The following TP63 variants were observed in gnomAD, a reference collection of about 807,000 sequenced individuals.
TP63 encodes the protein tumor protein 63.
Under a neutral mutation model 82.8 loss-of-function variants are expected in TP63, and 17 were observed. That is an observed-to-expected ratio of 0.21 (90% CI 0.14 to 0.31). The LOEUF (loss-of-function observed/expected upper bound fraction) is 0.31, where lower values mean the gene tolerates loss of function less well. Ranked by LOEUF, TP63 falls within the 10% of genes least tolerant of loss-of-function variation. The probability of loss-of-function intolerance (pLI) is 1.00; values close to 1 mark genes in which losing one functional copy is unlikely to be tolerated. For missense variants in TP63, 648 were observed against 895.3 expected (o/e 0.72, Z 3.52); for synonymous variants, 330 against 321.7 (o/e 1.03, Z -0.28).
At chr3:189,603,700 AT>A in the TP63 span, among the ~76,000 whole-genome samples, 6 of 130,998 alleles carry the variant, frequency 4.6e-5, no homozygotes, top group South Asian at 2.7e-4. Flanking sequence ...GGAGTTACAG[AT>A]TTTTTTTCCT....
intron 4 of TP63, among the ~76,000 whole-genome samples, chr3:189,834,601 G>A (rs1269022510): frequency 6.6e-6 from 1 of 152,112 alleles, no homozygotes; most frequent in African/African-American, 2.4e-5. Context: ...ATTGCGCTGT[G>A]GCTGTTCACA....
chr3:189,728,994 T>C (rs1386818383), intron 1 of TP63, among the ~76,000 whole-genome samples: 1 of 152,142 alleles, frequency 6.6e-6, no homozygotes, highest in Non-Finnish European at 1.5e-5. Flanking sequence ...CAAAGGTGAT[T>C]AGATTTTTGT....
intron 3 of TP63, among the ~76,000 whole-genome samples, chr3:189,790,386 C>A (rs186075893): frequency 6.6e-6 from 1 of 151,964 alleles, no homozygotes; most frequent in East Asian, 1.9e-4. Flanking sequence ...ACGTTTCTGT[C>A]GTCTGGAGGG....
chr3:189,779,576 T>C (rs71310836), intron 3 of TP63, among the ~76,000 whole-genome samples: 11,128 of 152,256 alleles, frequency 0.073, 550 homozygotes, highest in South Asian at 0.13. Flanking sequence ...TGCTCTGATA[T>C]GGAATTCCTG....
intron 3 of TP63, among the ~76,000 whole-genome samples, chr3:189,790,413 G>A (rs1248842736): frequency 6.6e-6 from 1 of 151,984 alleles, no homozygotes; most frequent in East Asian, 1.9e-4. Flanking sequence ...GTACTTTCAC[G>A]TGTGATGACA....
At chr3:189,792,226 C>G (rs770422962) in intron 3 of TP63, among the ~76,000 whole-genome samples, 6 of 151,914 alleles carry the variant, frequency 3.9e-5, no homozygotes, top group Non-Finnish European at 5.9e-5. Context: ...GAGGAGAACA[C>G]AAGCAGGATA....
intron 3 of TP63, among the ~76,000 whole-genome samples, chr3:189,740,925 C>G (rs1720935294): frequency 1.3e-5 from 2 of 152,128 alleles, no homozygotes; most frequent in Admixed American, 6.5e-5. Context: ...TCCCTTAATG[C>G]CTAGTAATTA....
intron 4 of TP63, among the ~76,000 whole-genome samples, chr3:189,813,340 T>C (rs1318921104): frequency 2.0e-5 from 3 of 152,096 alleles, no homozygotes; most frequent in Non-Finnish European, 2.9e-5. Flanking sequence ...AAGGAAAGCT[T>C]TGGGAGTTGC....
chr3:189,660,662 A>G (rs1431870371), intron 1 of TP63, among the ~76,000 whole-genome samples: 5 of 152,098 alleles, frequency 3.3e-5, no homozygotes, highest in Non-Finnish European at 5.9e-5. Context: ...CATTATGGCT[A>G]TTACAACAAT....
intron 1 of TP63, among the ~76,000 whole-genome samples, chr3:189,677,065 G>A (rs1188445801): frequency 1.4e-5 from 2 of 145,254 alleles, no homozygotes; most frequent in Admixed American, 1.4e-4. Flanking sequence ...ATTTATAAGT[G>A]AGAACACATG....
intron 4 of TP63, among the ~76,000 whole-genome samples, chr3:189,843,662 G>C (rs1714466570): frequency 6.6e-6 from 1 of 152,166 alleles, no homozygotes; most frequent in South Asian, 2.1e-4. Context: ...CCTTGGACTT[G>C]TTTGCAAGCT....
At chr3:189,753,504 T>A (rs1428148760) in intron 3 of TP63, among the ~76,000 whole-genome samples, 4 of 152,012 alleles carry the variant, frequency 2.6e-5, no homozygotes, top group African/African-American at 7.2e-5. Flanking sequence ...GCAAGGCAAA[T>A]TTTTTCTCCT....
chr3:189,890,645 C>A (rs1720920641), intron 12 of TP63, 144 bp from the exon 13 acceptor site: 2 of 697,832 alleles, frequency 2.9e-6, no homozygotes, highest in Non-Finnish European at 5.1e-6. Context: ...AGACTTAAGG[C>A]CCACATATAT....
At chr3:189,771,381 T>C (rs1042187992) in intron 3 of TP63, among the ~76,000 whole-genome samples, 1 of 137,082 alleles carries the variant, frequency 7.3e-6, no homozygotes, top group Non-Finnish European at 1.5e-5. Flanking sequence ...CAATATAGAC[T>C]ATATTATATA....
chr3:189,783,068 C>T (rs897647191), intron 3 of TP63, among the ~76,000 whole-genome samples: 4 of 151,756 alleles, frequency 2.6e-5, no homozygotes, highest in Non-Finnish European at 5.9e-5. Context: ...ATAATTTTTG[C>T]TGTATGATTA....
intron 3 of TP63, among the ~76,000 whole-genome samples, chr3:189,795,131 T>C (rs981456881): frequency 1.3e-5 from 2 of 152,050 alleles, no homozygotes; most frequent in African/African-American, 4.8e-5. Context: ...TTCATTCTCT[T>C]CCACACACTA....
chr3:189,649,736 T>C (rs1712733412), intron 1 of TP63, among the ~76,000 whole-genome samples: 1 of 146,652 alleles, frequency 6.8e-6, no homozygotes, highest in Non-Finnish European at 1.5e-5. Context: ...CTGAGCGACA[T>C]GGATCTGAGG....
At chr3:189,740,368 T>C (rs1227895240) in intron 3 of TP63, among the ~76,000 whole-genome samples, 1 of 152,172 alleles carries the variant, frequency 6.6e-6, no homozygotes, top group Non-Finnish European at 1.5e-5. Flanking sequence ...AAACCTGTTA[T>C]TGTATTCTCT....
At chr3:189,847,305 C>T (rs1715015796) in intron 4 of TP63, among the ~76,000 whole-genome samples, 1 of 152,184 alleles carries the variant, frequency 6.6e-6, no homozygotes, top group Non-Finnish European at 1.5e-5. Flanking sequence ...TTGCAGTGAG[C>T]TGAGATTGCA....
Sources: allele counts gnomAD v4.1 joint callset (sites outside exome capture counted in the v4.1 genomes callset), GRCh38; gene constraint gnomAD v4.1.1; transcripts MANE v1.5; gene names NCBI Gene and HGNC (gene_info 2026-07-23, HGNC 2026-07-21).